AGO2: variants seen among roughly 807,000 people sequenced by gnomAD.
AGO2 encodes the protein protein argonaute-2.
AGO2 carries 5 observed loss-of-function variants against 102.3 expected under a neutral mutation model. The ratio of observed to expected loss-of-function variants is 0.05; its 90% CI spans 0.03 to 0.10. The LOEUF is 0.10. AGO2 is among the 10% of genes least tolerant of loss of function. AGO2 has a pLI of 1.00. For missense variants in AGO2, 541 were observed against 1,183.7 expected (o/e 0.46, Z 7.97); for synonymous variants, 449 against 473.1 (o/e 0.95, Z 0.66).
intron 1 of AGO2, among the ~76,000 whole-genome samples, chr8:140,607,902 T>C (rs976495885): frequency 1.3e-5 from 2 of 152,184 alleles, no homozygotes; most frequent in Non-Finnish European, 2.9e-5. Context: ...AGTTGAGTTA[T>C]GTACTTTAAA....
At chr8:140,599,815 G>C (rs911587936) in intron 1 of AGO2, among the ~76,000 whole-genome samples, 1 of 152,102 alleles carries the variant, frequency 6.6e-6, no homozygotes, top group South Asian at 2.1e-4. Context: ...TCTGCCTTCC[G>C]GGTTCAAGCG....
At chr8:140,617,289 C>T (rs963278362) in intron 1 of AGO2, among the ~76,000 whole-genome samples, 4 of 151,988 alleles carry the variant, frequency 2.6e-5, no homozygotes, top group South Asian at 4.2e-4. Flanking sequence ...GATGGAGTCT[C>T]GCTCTGTCGC....
In AGO2 at chr8:140,560,612, G is replaced by C. The variant is rs112814521; in HGVS notation, c.519-102C>G. 19 of 1,382,050 alleles carry C rather than the reference G, an allele frequency of 1.4e-5. 1 individual carries two copies. In the African/African-American group the frequency reaches 1.7e-4, roughly 13 times the overall value. The allele number at this position is 1,382,050 out of a possible 1,614,324, so 85.6% of individuals were successfully genotyped here. On this transcript the variant is annotated intron_variant, in intron 4 of 18. Coordinates refer to ENST00000220592, the MANE Select transcript of AGO2 (RefSeq NM_012154.5). Reference sequence around the variant, plus strand: ...GCCTGCGCCCACCACACCCTCATCAGAGTTCCGTTTCCCCTCCTTTTAAAT... The same window carrying C: ...GCCTGCGCCCACCACACCCTCATCACAGTTCCGTTTCCCCTCCTTTTAAAT...
At position 140,623,770 on chromosome 8, in the gene AGO2, G is replaced by A. The variant is rs1289584282; in HGVS notation, c.22+11715C>T. On this transcript the variant is annotated intron_variant, in intron 1 of 18. Transcript: ENST00000220592. ...TCTCCCATCCCAAACACAGCCCTGGGAGGCCACTTGCCACCGAGCCACAAA... is the reference window on the plus strand; with the variant it reads ...TCTCCCATCCCAAACACAGCCCTGGAAGGCCACTTGCCACCGAGCCACAAA... 5.9e-5 allele frequency among the ~76,000 whole-genome samples: 9 copies of A among 152,200 alleles called. 1 individual carries two copies. Among genetic ancestry groups the A allele is most frequent in the African/African-American group, 2.2e-4 (9 of 41,534 alleles).
rs117165019 is a variant in AGO2 at position 140,590,547 on chromosome 8, G to A, written c.23-5236C>T. 6.1e-3 allele frequency among the ~76,000 whole-genome samples: 930 copies of A among 152,302 alleles called. 8 individuals carry two copies. Among genetic ancestry groups the A allele is most frequent in the Non-Finnish European group, 7.1e-3 (481 of 68,018 alleles). On this transcript the variant is annotated intron_variant, in intron 1 of 18. Transcript: ENST00000220592. ...GTCCGAAAACAGACGCCGAGGAAGC[G>A]GAGGCACAAACATGCCCCACGGTGG...
upstream of AGO2, among the ~76,000 whole-genome samples, chr8:140,638,510 C>T (rs962471041): frequency 6.6e-6 from 1 of 152,170 alleles, no homozygotes; most frequent in Non-Finnish European, 1.5e-5. Flanking sequence ...CTCAAGGTTC[C>T]GTGGAGCATA....
intron 1 of AGO2, among the ~76,000 whole-genome samples, chr8:140,607,914 C>T (rs950812347): frequency 2.6e-5 from 4 of 152,090 alleles, no homozygotes; most frequent in South Asian, 2.1e-4. Context: ...TACTTTAAAC[C>T]GGTCCGTTTT....
At chr8:140,599,003 G>A (rs1588494053) in intron 1 of AGO2, among the ~76,000 whole-genome samples, 1 of 152,196 alleles carries the variant, frequency 6.6e-6, no homozygotes, top group Non-Finnish European at 1.5e-5. Context: ...CTCCCATCCT[G>A]CTGCTCACGC....
At chr8:140,570,225 T>A (rs2073357059) in intron 3 of AGO2, among the ~76,000 whole-genome samples, 2 of 152,210 alleles carry the variant, frequency 1.3e-5, no homozygotes, top group Admixed American at 6.5e-5. Context: ...TGAGCTTTTC[T>A]TTTTTCCTTT....
At chr8:140,564,345 G>A (rs2073247651) in intron 3 of AGO2, among the ~76,000 whole-genome samples, 1 of 151,092 alleles carries the variant, frequency 6.6e-6, no homozygotes, top group Non-Finnish European at 1.5e-5. Context: ...TTCAGGGTGG[G>A]AGGAGGGAAC....
intron 1 of AGO2, among the ~76,000 whole-genome samples, chr8:140,597,463 GTGGCCCCCC>G (rs2073862301): frequency 1.9e-5 from 2 of 104,216 alleles, no homozygotes; most frequent in East Asian, 2.8e-4. Flanking sequence ...TGGGGGCTGG[GTGGCCCCCC>G]CACCCCCCCC....
At chr8:140,641,118 C>A in the AGO2 span, among the ~76,000 whole-genome samples, 5 of 151,996 alleles carry the variant, frequency 3.3e-5, no homozygotes, top group African/African-American at 1.2e-4. Flanking sequence ...CAGAGTGGGA[C>A]CCTATCTCTA....
intron 1 of AGO2, among the ~76,000 whole-genome samples, chr8:140,595,184 T>C (rs577372282): frequency 1.8e-3 from 274 of 151,826 alleles, no homozygotes; most frequent in Non-Finnish European, 2.6e-3. Context: ...CAGGAGAAAA[T>C]GGGTTAAATG....
chr8:140,633,186 T>C (rs1418167479), intron 1 of AGO2, among the ~76,000 whole-genome samples: 1 of 152,206 alleles, frequency 6.6e-6, no homozygotes, highest in African/African-American at 2.4e-5. Context: ...AATTTTTCTA[T>C]AATTCAAATT....
intron 17 of AGO2, 109 bp from the exon 18 acceptor site, chr8:140,532,724 C>G (rs928669595): frequency 3.3e-6 from 4 of 1,216,870 alleles, no homozygotes; most frequent in Non-Finnish European, 1.1e-6. Context: ...AGTCTGGACA[C>G]GGAGGCTCAC....
At position 140,556,009 on chromosome 8, in the gene AGO2, C is replaced by T. The variant is rs1458970957; in HGVS notation, c.1156G>A (p.Ala386Thr). The T allele has an allele frequency of 1.2e-6, 2 of 1,614,170 alleles. No individual in the cohort carries two copies. Among genetic ancestry groups the T allele is most frequent in the Non-Finnish European group, 8.5e-7 (1 of 1,180,008 alleles). ...QEEISKLMRS[A>T]SFNTDPYVRE... ...ACGTATGGATCTGTGTTGAAACTTGCACTTCGCATCTGGCAAAGGGAAACA... is the reference window on the plus strand; with the variant it reads ...ACGTATGGATCTGTGTTGAAACTTGTACTTCGCATCTGGCAAAGGGAAACA... The change falls in exon 10 of 19, where the codon GCA (alanine) becomes ACA (threonine). Residue 386 changes from alanine (A) to threonine (T), a missense_variant. Coordinates refer to ENST00000220592, the MANE Select transcript of AGO2 (RefSeq NM_012154.5).
At chr8:140,561,440 G>A (rs1001511165) in intron 4 of AGO2, among the ~76,000 whole-genome samples, 4 of 152,200 alleles carry the variant, frequency 2.6e-5, no homozygotes, top group African/African-American at 9.7e-5. Flanking sequence ...AAAGGAATTC[G>A]GAAAAGAATC....
At chr8:140,579,667 CTT>C (rs398068342) in intron 2 of AGO2, among the ~76,000 whole-genome samples, 3 of 146,360 alleles carry the variant, frequency 2.0e-5, no homozygotes, top group Non-Finnish European at 1.5e-5. Flanking sequence ...TTTTGTTGTT[CTT>C]TTTTTTTTTT....
chr8:140,568,234 A>G (rs1460506974), intron 3 of AGO2, among the ~76,000 whole-genome samples: 1 of 144,502 alleles, frequency 6.9e-6, no homozygotes, highest in Non-Finnish European at 1.5e-5. Flanking sequence ...CAGTGAGCTG[A>G]CATCGTGCTA....
Sources: gnomAD v4.1 joint callset for allele counts (sites outside exome capture counted in the v4.1 genomes callset) on GRCh38, gnomAD v4.1.1 for gene constraint, MANE v1.5 for transcripts, NCBI Gene and HGNC (gene_info 2026-07-23, HGNC 2026-07-21) for gene names.